The following SLC4A10 variants were observed in gnomAD, a reference collection of about 807,000 sequenced individuals.
SLC4A10 encodes solute carrier family 4 member 10.
In SLC4A10, 42 loss-of-function variants were observed where a neutral mutation model predicts 137.7. That is an observed-to-expected ratio of 0.30 (90% CI 0.24 to 0.39). The LOEUF is 0.39. SLC4A10 is among the 10% of genes least tolerant of loss of function. The pLI is 1.00. For synonymous variants in SLC4A10, 474 were observed against 464.1 expected (o/e 1.02, Z -0.27); for missense variants, 925 against 1,355.0 (o/e 0.68, Z 4.98).
At chr2:161,942,655 G>A (rs1575762984) in intron 15 of SLC4A10, 137 bp from the exon 16 acceptor site, 2 of 658,846 alleles carry the variant, frequency 3.0e-6, no homozygotes, top group Non-Finnish European at 2.7e-6. Flanking sequence ...TTGTGGAGTA[G>A]TTTAGGATAA....
intron 1 of SLC4A10, among the ~76,000 whole-genome samples, chr2:161,707,944 T>C (rs1035259089): frequency 6.6e-6 from 1 of 151,280 alleles, no homozygotes; most frequent in African/African-American, 2.4e-5. Context: ...TTTTGATGGG[T>C]GGATAAGTCG....
rs185432982 is a variant in SLC4A10 at position 161,966,779 on chromosome 2, G to A, written c.3159+1606G>A. 1.6e-3 allele frequency among the ~76,000 whole-genome samples: 242 copies of A among 151,406 alleles called. 1 individual carries two copies. The highest frequency in any genetic ancestry group is 5.5e-3 in the African/African-American group (227 of 41,384). On this transcript the variant is annotated intron_variant, in intron 23 of 26. Coordinates refer to ENST00000446997, the MANE Select transcript of SLC4A10 (RefSeq NM_001178015.2). ...AAACTTTGACTAGGATATTTTGATA[G>A]TCTCTATTTCTTTTTAGGCCTTTAG...
intron 15 of SLC4A10, among the ~76,000 whole-genome samples, chr2:161,906,914 G>C (rs1054270029): frequency 6.6e-6 from 1 of 151,974 alleles, no homozygotes; most frequent in African/African-American, 2.4e-5. Flanking sequence ...AAATTAGCCA[G>C]GCGTGGTGGC....
intron 1 of SLC4A10, among the ~76,000 whole-genome samples, chr2:161,650,567 G>A (rs10191294): frequency 6.6e-6 from 1 of 151,898 alleles, no homozygotes; most frequent in African/African-American, 2.4e-5. Flanking sequence ...TGGGCATCCC[G>A]GCACTCTCGG....
intron 3 of SLC4A10, among the ~76,000 whole-genome samples, chr2:161,819,414 A>C (rs1329761372): frequency 6.6e-6 from 1 of 152,108 alleles, no homozygotes; most frequent in African/African-American, 2.4e-5. Context: ...TAAATATATT[A>C]ATTTGTTTAG....
At chr2:161,816,712 G>A (rs1232061572) in intron 3 of SLC4A10, among the ~76,000 whole-genome samples, 3 of 143,922 alleles carry the variant, frequency 2.1e-5, no homozygotes, top group Non-Finnish European at 4.5e-5. Flanking sequence ...TCCCACCTGT[G>A]AGTGACAACA....
At chr2:161,776,247 T>C (rs2052317510) in intron 2 of SLC4A10, among the ~76,000 whole-genome samples, 1 of 151,848 alleles carries the variant, frequency 6.6e-6, no homozygotes, top group African/African-American at 2.4e-5. Context: ...TTTTCATCAG[T>C]AATGCAAGTG....
chr2:161,726,810 G>A (rs2046279303), intron 1 of SLC4A10, among the ~76,000 whole-genome samples: 1 of 152,212 alleles, frequency 6.6e-6, no homozygotes, highest in Non-Finnish European at 1.5e-5. Flanking sequence ...TTGGGAAGCT[G>A]AGGCAGGAGA....
intron 6 of SLC4A10, among the ~76,000 whole-genome samples, chr2:161,863,727 A>G (rs2060569350): frequency 6.6e-6 from 1 of 151,988 alleles, no homozygotes; most frequent in African/African-American, 2.4e-5. Flanking sequence ...GCTTCAGACT[A>G]TTTTGTCTTT....
At chr2:161,906,981 G>A (rs540979906) in intron 15 of SLC4A10, among the ~76,000 whole-genome samples, 292 of 151,118 alleles carry the variant, frequency 1.9e-3, no homozygotes, top group African/African-American at 6.7e-3. Flanking sequence ...GCGTGAACCC[G>A]GGAGGCGGAG....
chr2:161,953,392 G>A (rs1365745376), intron 19 of SLC4A10, among the ~76,000 whole-genome samples: 3 of 151,998 alleles, frequency 2.0e-5, no homozygotes, highest in Non-Finnish European at 2.9e-5. Context: ...GGTGGATCAC[G>A]AGGTCAGGAG....
In SLC4A10 at chr2:161,724,632, T is replaced by G. The variant is rs147258258; in HGVS notation, c.49-46341T>G. ...AGTAGTGATTTTTAAACAGTCATCT[T>G]TAGTTAAATTTAGTCTTAAATTCTA... is the stretch of plus-strand genomic sequence containing the variant. On this transcript the variant is annotated intron_variant, in intron 1 of 26. Transcript: ENST00000446997. Among the ~76,000 whole-genome samples the G allele has an allele frequency of 3.0e-3, 452 of 152,322 alleles. 1 individual carries two copies. Among genetic ancestry groups the G allele is most frequent in the African/African-American group, 0.01 (436 of 41,574 alleles).
intron 23 of SLC4A10, among the ~76,000 whole-genome samples, chr2:161,966,735 C>CAAAAAAAA (rs11322395): frequency 8.0e-6 from 1 of 125,642 alleles, no homozygotes; most frequent in Non-Finnish European, 1.8e-5. Context: ...GACTCCGTCT[C>CAAAAAAAA]AAAAAAAAAA....
intron 3 of SLC4A10, among the ~76,000 whole-genome samples, chr2:161,816,546 G>A (rs1282669258): frequency 7.2e-5 from 11 of 152,064 alleles, no homozygotes; most frequent in Admixed American, 5.2e-4. Context: ...TCTTACATAC[G>A]TATACATGTG....
intron 1 of SLC4A10, among the ~76,000 whole-genome samples, chr2:161,705,828 C>T (rs1180714712): frequency 1.3e-5 from 2 of 151,620 alleles, no homozygotes; most frequent in East Asian, 3.9e-4. Context: ...GCTCTCTCTT[C>T]ATTCAGTCCA....
intron 1 of SLC4A10, among the ~76,000 whole-genome samples, chr2:161,735,719 C>G (rs2047274733): frequency 1.3e-5 from 2 of 152,152 alleles, no homozygotes; most frequent in Non-Finnish European, 2.9e-5. Flanking sequence ...AAGCTAATCC[C>G]AGGAAGAAGT....
rs1220532926 is a variant in SLC4A10 at position 161,926,390 on chromosome 2, T to TTG, written c.1998-16401_1998-16400insGT. Among the ~76,000 whole-genome samples the TTG allele has an allele frequency of 2.9e-5, 3 of 103,932 alleles. No homozygotes were observed. In the East Asian group the frequency reaches 1.1e-3, roughly 38 times the overall value. The allele number at this position is 103,932 out of a possible 152,430, so 68.2% of individuals were successfully genotyped here. A position where few individuals can be genotyped will look rare whatever the true frequency, so the allele number is the denominator to read the frequency against. On this transcript the variant is annotated intron_variant, in intron 15 of 26. Transcript: ENST00000446997. Reference sequence around the variant, plus strand: ...TGCAACCCCTGCCTTTTTTTGGTTTTTTTTTTTTTTTTTTTTTTTGGTAGA... The same window carrying TTG: ...TGCAACCCCTGCCTTTTTTTGGTTTTTGTTTTTTTTTTTTTTTTTTTGGTAGA...
At chr2:161,687,974 G>T (rs1322945437) in intron 1 of SLC4A10, among the ~76,000 whole-genome samples, 1 of 152,118 alleles carries the variant, frequency 6.6e-6, no homozygotes, top group Non-Finnish European at 1.5e-5. Context: ...TGTAAGAATG[G>T]ACTAATACAA....
chr2:161,698,167 G>T (rs1288895600), intron 1 of SLC4A10, among the ~76,000 whole-genome samples: 2 of 152,236 alleles, frequency 1.3e-5, no homozygotes, highest in African/African-American at 4.8e-5. Flanking sequence ...TCTGTCTTGA[G>T]ACTTTGCTGA....
Sources: allele counts gnomAD v4.1 joint callset (sites outside exome capture counted in the v4.1 genomes callset), GRCh38; gene constraint gnomAD v4.1.1; transcripts MANE v1.5; gene names NCBI Gene and HGNC (gene_info 2026-07-23, HGNC 2026-07-21).